WIPF1: variants seen among roughly 807,000 people sequenced by gnomAD.
WIPF1 encodes WAS/WASL interacting protein family member 1.
Under a neutral mutation model 35.4 loss-of-function variants are expected in WIPF1, and 13 were observed. The observed-to-expected ratio is 0.37, with a 90% CI of 0.24 to 0.58. The LOEUF is 0.58. Ranked by LOEUF, WIPF1 falls within the 20% of genes least tolerant of loss-of-function variation. The pLI, the probability that WIPF1 is intolerant of heterozygous loss-of-function variation, is 0.74. For missense variants in WIPF1, 591 were observed against 667.0 expected (o/e 0.89, Z 1.25); for synonymous variants, 267 against 266.3 (o/e 1.00, Z -0.02).
At chr2:174,654,951 C>T (rs1256695113) in intron 1 of WIPF1, among the ~76,000 whole-genome samples, 1 of 152,206 alleles carries the variant, frequency 6.6e-6, no homozygotes, top group Admixed American at 6.5e-5. Context: ...ACCTAAGAGG[C>T]TCACAACATA....
rs774985492 is a variant in WIPF1 at position 174,581,415 on chromosome 2, T to A, written c.76A>T (p.Asn26Tyr). The A allele has an allele frequency of 4.4e-5, 71 of 1,613,850 alleles. No homozygotes were observed. The highest frequency in any genetic ancestry group is 5.8e-5 in the Non-Finnish European group (68 of 1,179,936). ...TTTCTCCCAGCCTGCTCTGTCTTAT[T>A]CAAGGTAGGCTTCTCTGTATTGGCC... ...ALANTEKPTL[N>Y]KTEQAGRNAL... The change falls in exon 3 of 8, where the codon AAT becomes TAT. Residue 26 changes from asparagine to tyrosine, a missense_variant. By Grantham distance (143) the Asn-to-Tyr change is moderately radical. This residue lies in a region of WIPF1 where 471 missense variants were observed against 501.1 expected (regional missense o/e 0.94). Transcript: ENST00000679041.
rs557450984 is a variant in WIPF1, at chr2:174,571,911, C to T, written c.894G>A (p.Pro298=). 117 of 1,609,226 alleles carry T rather than the reference C, an allele frequency of 7.3e-5. 4 individuals are homozygous for T. The South Asian group carries it at 1.2e-3, about 16-fold the overall frequency. Residue 298 remains proline (P), a synonymous_variant, in exon 5 of 8, where the codon CCG becomes CCA. Coordinates refer to ENST00000679041, the MANE Select transcript of WIPF1 (RefSeq NM_001375834.1). The surrounding 1 kb of genome is among the most constrained non-coding windows in gnomAD (Gnocchi z 4.6). ...QNNKPPVPST[P]RPSASSQAPP... is the part of the protein sequence containing the mutation. ...GGGCCTGTGAGGAGGCCGAAGGCCGCGGAGTGGAAGGCACTGGAGGCTTGT... is the reference window on the plus strand; with the variant it reads ...GGGCCTGTGAGGAGGCCGAAGGCCGTGGAGTGGAAGGCACTGGAGGCTTGT...
chr2:174,578,106 T>C (rs1449542581), intron 3 of WIPF1, among the ~76,000 whole-genome samples: 1 of 152,188 alleles, frequency 6.6e-6, no homozygotes, highest in African/African-American at 2.4e-5. Context: ...TCCTGTCCTG[T>C]TCTTTACAGA....
chr2:174,659,578 G>A (rs1474821488), intron 1 of WIPF1, among the ~76,000 whole-genome samples: 1 of 152,114 alleles, frequency 6.6e-6, no homozygotes, highest in Non-Finnish European at 1.5e-5. Flanking sequence ...ATGTAGGGAA[G>A]GTTGACAGAG....
intron 1 of WIPF1, chr2:174,630,776 A>G (rs1428378836): frequency 6.6e-6 from 1 of 152,206 alleles, no homozygotes; most frequent in Admixed American, 6.5e-5. Flanking sequence ...GAATCACCAC[A>G]CAGCACTGTG....
intron 1 of WIPF1, among the ~76,000 whole-genome samples, chr2:174,645,193 A>G (rs1362063470): frequency 6.6e-6 from 1 of 152,222 alleles, no homozygotes; most frequent in Non-Finnish European, 1.5e-5. Context: ...ATTTAGCTTA[A>G]ACAACCCTTT....
intron 1 of WIPF1, among the ~76,000 whole-genome samples, chr2:174,619,989 C>T (rs1243159763): frequency 6.6e-6 from 1 of 151,384 alleles, no homozygotes; most frequent in Non-Finnish European, 1.5e-5. Context: ...CCCTTGACAA[C>T]AATGAATGCT....
At position 174,560,473 on chromosome 2, in the gene WIPF1, G is replaced by C. The variant is rs1684456899; in HGVS notation, c.*2074C>G. On this transcript the variant is annotated 3_prime_UTR_variant, in exon 8 of 8. Transcript: ENST00000679041. Reference sequence around the variant, plus strand: ...GCAAATTCCATCTTTTGTGAAATGGGTCATTAGGCTTTATCATAGGGATGT... The same window carrying C: ...GCAAATTCCATCTTTTGTGAAATGGCTCATTAGGCTTTATCATAGGGATGT... 1 of 152,534 alleles carries C rather than the reference G, an allele frequency of 6.6e-6. No homozygotes were observed. Among genetic ancestry groups the C allele is most frequent in the Non-Finnish European group, 1.5e-5 (1 of 68,026 alleles). The allele number at this position is 152,534 out of a possible 1,614,324, so 9.4% of individuals were successfully genotyped here. A position where few individuals can be genotyped will look rare whatever the true frequency, so the allele number is the denominator to read the frequency against.
At chr2:174,592,959 T>C (rs1240694315) in intron 1 of WIPF1, among the ~76,000 whole-genome samples, 3 of 152,216 alleles carry the variant, frequency 2.0e-5, no homozygotes, top group Non-Finnish European at 4.4e-5. Flanking sequence ...CATCTATGTA[T>C]TTCTTGAGTG....
rs1030230426 is a variant in WIPF1 at position 174,572,401 on chromosome 2, G to C, written c.404C>G (p.Ser135Cys). The C allele has an allele frequency of 1.2e-6, 2 of 1,614,068 alleles. No homozygotes were observed. Among genetic ancestry groups the C allele is most frequent in the Admixed American group, 1.7e-5 (1 of 60,004 alleles). ...GGGTGAAAAGGGTTTCGCAGATGTG[G>C]ATCTTCCTCCCGGTGGCAACAATGG... ...RPPLLPPGGR[S>C]TSAKPFSPPS... The change falls in exon 5 of 8, where the codon TCC (serine) becomes TGC (cysteine). Residue 135 changes from serine to cysteine, a missense_variant. Ser to Cys is a moderately radical substitution (Grantham distance 112). This residue lies in a region of WIPF1 where 471 missense variants were observed against 501.1 expected (regional missense o/e 0.94). Coordinates refer to ENST00000679041, the MANE Select transcript of WIPF1 (RefSeq NM_001375834.1).
At chr2:174,638,107 T>A (rs1450473163) in intron 1 of WIPF1, among the ~76,000 whole-genome samples, 2 of 152,200 alleles carry the variant, frequency 1.3e-5, no homozygotes, top group Non-Finnish European at 1.5e-5. Flanking sequence ...ACTAAAGTGG[T>A]TTGATGTGTA....
In WIPF1 at chr2:174,619,532, C is replaced by A. The variant is rs188963681; in HGVS notation, c.-38-33921G>T. ...ATCCTTGTGCACAGGTAGGATTATG[C>A]TATAGAATAAATTATAGAAACAGAA... is the stretch of plus-strand genomic sequence containing the variant. On this transcript the variant is annotated intron_variant, in intron 1 of 8. Transcript: ENST00000272746. Among the ~76,000 whole-genome samples the A allele has an allele frequency of 2.0e-5, 3 of 152,266 alleles. No individual in the cohort carries two copies. The East Asian group carries it at 5.8e-4, about 29-fold the overall frequency.
intron 1 of WIPF1, among the ~76,000 whole-genome samples, chr2:174,645,663 G>A (rs1035021945): frequency 2.6e-5 from 4 of 152,188 alleles, no homozygotes; most frequent in African/African-American, 9.7e-5. Context: ...ACTATACACT[G>A]GTACCTTGTT....
chr2:174,639,573 G>GT (rs896854664), intron 1 of WIPF1, among the ~76,000 whole-genome samples: 38 of 151,322 alleles, frequency 2.5e-4, no homozygotes, highest in African/African-American at 4.4e-4. Flanking sequence ...TTTGTTTTTG[G>GT]TTTTTTTTGC....
intron 1 of WIPF1, among the ~76,000 whole-genome samples, chr2:174,607,383 A>T (rs985701622): frequency 2.0e-5 from 3 of 152,128 alleles, no homozygotes; most frequent in Non-Finnish European, 4.4e-5. Context: ...AACCTGGGCA[A>T]CAGAGCAGGA....
chr2:174,563,553 G>A (rs1000871593), intron 7 of WIPF1, among the ~76,000 whole-genome samples: 1 of 152,208 alleles, frequency 6.6e-6, no homozygotes, highest in African/African-American at 2.4e-5. Context: ...GGGTGACAGA[G>A]TGAGACCCTG....
At chr2:174,619,916 T>C (rs1488163160) in intron 1 of WIPF1, among the ~76,000 whole-genome samples, 2 of 149,424 alleles carry the variant, frequency 1.3e-5, no homozygotes, top group East Asian at 3.9e-4. Flanking sequence ...CACTCCAGCC[T>C]GGGCCACAGG....
intron 1 of WIPF1, 118 bp downstream of exon 1, chr2:174,597,483 G>A (rs1284563839): frequency 6.6e-6 from 1 of 152,216 alleles, no homozygotes; most frequent in Non-Finnish European, 1.5e-5. Flanking sequence ...CTCACATGGT[G>A]CTCTACAGAA....
In WIPF1 at chr2:174,574,845, C is replaced by T. The variant is rs904693036; in HGVS notation, c.358+359G>A. 7 of 716,768 alleles carry T rather than the reference C, an allele frequency of 9.8e-6. No homozygotes were observed. In the African/African-American group the frequency reaches 1.2e-4, roughly 13 times the overall value. The allele number at this position is 716,768 out of a possible 1,614,324, so 44.4% of individuals were successfully genotyped here. On this transcript the variant is annotated intron_variant, in intron 4 of 7. Transcript: ENST00000679041. ...TTTACTCTACTAGACAGCTGGGCTA[C>T]CTCACAAAGAAAGCTGAATCTGTCA... is the stretch of plus-strand genomic sequence containing the variant.
Sources: allele counts gnomAD v4.1 joint callset (sites outside exome capture counted in the v4.1 genomes callset), GRCh38; gene constraint gnomAD v4.1.1; regional missense constraint gnomAD v4.1.1; non-coding constraint Gnocchi (gnomAD v3.1); transcripts MANE v1.5; gene names NCBI Gene and HGNC (gene_info 2026-07-23, HGNC 2026-07-21).